Variants in RPGRIP1 observed in about 807,000 individuals in gnomAD.
RPGRIP1 encodes the protein RPGR interacting protein 1.
RPGRIP1 carries 128 observed loss-of-function variants against 157.9 expected under a neutral mutation model. The observed-to-expected ratio is 0.81, with a 90% CI of 0.70 to 0.94. RPGRIP1 has a LOEUF of 0.94. Among genes scored for constraint, RPGRIP1 ranks in the 40% least tolerant of loss-of-function variants. RPGRIP1 has a pLI of 0.00. For synonymous variants in RPGRIP1, 554 were observed against 571.6 expected, an observed-to-expected ratio of 0.97 and a Z score of 0.44; for missense variants, 1,486 against 1,545.8, an observed-to-expected ratio of 0.96 and a Z score of 0.65.
chr14:21,326,391 C>T (rs1191392378), intron 17 of RPGRIP1, among the ~76,000 whole-genome samples: 4 of 152,230 alleles, frequency 2.6e-5, no homozygotes, highest in Admixed American at 6.5e-5. Flanking sequence ...GCCACAAAGA[C>T]AACATTCCTA....
chr14:21,313,118 G>A (rs994385992), intron 10 of RPGRIP1, among the ~76,000 whole-genome samples: 1 of 151,694 alleles, frequency 6.6e-6, no homozygotes, highest in Non-Finnish European at 1.5e-5. Flanking sequence ...TTACAGGCAC[G>A]AGCCACCATG....
At chr14:21,298,282 T>C (rs1277454037) in intron 3 of RPGRIP1, among the ~76,000 whole-genome samples, 6 of 151,830 alleles carry the variant, frequency 4.0e-5, no homozygotes, top group Non-Finnish European at 7.4e-5. Context: ...GCAGATCACC[T>C]GAGGTCAGGA....
At chr14:21,337,438 CTT>C (rs869108147) in intron 21 of RPGRIP1, among the ~76,000 whole-genome samples, 35 of 128,588 alleles carry the variant, frequency 2.7e-4, no homozygotes, top group Admixed American at 4.8e-4. Context: ...CAATGTTAAG[CTT>C]TTTTTTTTTT....
At chr14:21,290,267 A>ATT in intron 2 of RPGRIP1, among the ~76,000 whole-genome samples, 1 of 152,236 alleles carries the variant, frequency 6.6e-6, no homozygotes, top group African/African-American at 2.4e-5. Context: ...AAGCAGTGGC[A>ATT]CCATTTTACA....
chr14:21,342,802 G>A (rs1251136478), intron 21 of RPGRIP1, among the ~76,000 whole-genome samples: 1 of 152,148 alleles, frequency 6.6e-6, no homozygotes, highest in Non-Finnish European at 1.5e-5. Flanking sequence ...TGGACTGTGA[G>A]AGAGAAGAGC....
At chr14:21,303,804 T>A (rs1189141873) in intron 6 of RPGRIP1, among the ~76,000 whole-genome samples, 3 of 151,116 alleles carry the variant, frequency 2.0e-5, no homozygotes, top group Non-Finnish European at 4.4e-5. Flanking sequence ...CTCGCCAACA[T>A]GGAGAAACCC....
chr14:21,343,866 G>GGT (rs1885273916), intron 22 of RPGRIP1, among the ~76,000 whole-genome samples: 4 of 50,422 alleles, frequency 7.9e-5, no homozygotes, highest in South Asian at 1.2e-3. Flanking sequence ...CTCTTTTCCT[G>GGT]TTTTTTTTTT....
At chr14:21,310,410 A>T (rs1324821247) in intron 7 of RPGRIP1, among the ~76,000 whole-genome samples, 174 bp from the exon 8 acceptor site, 1 of 152,190 alleles carries the variant, frequency 6.6e-6, no homozygotes, top group Non-Finnish European at 1.5e-5. Flanking sequence ...GTCACAGACT[A>T]CTTGGCAAGC....
chr14:21,288,180 CTT>C (rs35862339), intron 2 of RPGRIP1, 119 bp downstream of exon 2: 18,651 of 476,142 alleles, frequency 0.039, no homozygotes, highest in South Asian at 0.051. Flanking sequence ...AGTCTTCTCA[CTT>C]TTTTTTTTTT....
In RPGRIP1 at chr14:21,348,307, G is replaced by C; in HGVS notation, c.3748+5G>C. ...TTCTAGAGCAAGAGCTAGACAGTGAGTCATTTTTTTTTCAGTTCTAATTAT... is the reference window on the plus strand; with the variant it reads ...TTCTAGAGCAAGAGCTAGACAGTGACTCATTTTTTTTTCAGTTCTAATTAT... On this transcript the variant is annotated splice_donor_5th_base_variant and intron_variant, in intron 24 of 24. Coordinates refer to ENST00000400017, the MANE Select transcript of RPGRIP1 (RefSeq NM_020366.4). 1 of 1,548,452 alleles carries C rather than the reference G, an allele frequency of 6.5e-7. No homozygotes were observed. Among genetic ancestry groups the C allele is most frequent in the Non-Finnish European group, 8.7e-7 (1 of 1,152,680 alleles).
intron 21 of RPGRIP1, among the ~76,000 whole-genome samples, chr14:21,338,138 A>T (rs954941342): frequency 6.6e-6 from 1 of 152,104 alleles, no homozygotes; most frequent in Non-Finnish European, 1.5e-5. Flanking sequence ...GGATGGTCTC[A>T]ATCTCCTGAC....
intron 21 of RPGRIP1, among the ~76,000 whole-genome samples, chr14:21,338,505 TG>T (rs1884641309): frequency 6.6e-6 from 1 of 152,192 alleles, no homozygotes; most frequent in Admixed American, 6.6e-5. Context: ...TCAAATGAGT[TG>T]ATATATATTT....
At chr14:21,321,121 A>G in intron 12 of RPGRIP1, 138 bp from the exon 13 acceptor site, 1 of 827,836 alleles carries the variant, frequency 1.2e-6, no homozygotes, top group Non-Finnish European at 1.8e-6. Context: ...TTGTGAAGTC[A>G]TACAGGTCCT....
intron 3 of RPGRIP1, among the ~76,000 whole-genome samples, chr14:21,297,573 A>G (rs901795875): frequency 2.6e-5 from 4 of 152,146 alleles, no homozygotes; most frequent in Non-Finnish European, 5.9e-5. Flanking sequence ...TTTTGAAGAT[A>G]CTGGTGTCAA....
intron 21 of RPGRIP1, among the ~76,000 whole-genome samples, chr14:21,336,609 T>A (rs1226436670): frequency 6.6e-6 from 1 of 152,180 alleles, no homozygotes; most frequent in Non-Finnish European, 1.5e-5. Context: ...TTTTTTTAGA[T>A]ATTATGTAGT....
At chr14:21,330,141 T>G in intron 19 of RPGRIP1, 108 bp from the exon 20 acceptor site, 1 of 676,652 alleles carries the variant, frequency 1.5e-6, no homozygotes, top group South Asian at 3.8e-5. Flanking sequence ...TAATAAAAAT[T>G]AAAAAAATAA....
rs142285692 is a variant in RPGRIP1, at chr14:21,341,049, G to A, written c.3340-1987G>A. Among the ~76,000 whole-genome samples the A allele has an allele frequency of 5.9e-3, 895 of 152,108 alleles. 11 individuals carry two copies. The highest frequency in any genetic ancestry group is 0.021 in the African/African-American group (860 of 41,496). On this transcript the variant is annotated intron_variant, in intron 21 of 24. Transcript: ENST00000400017. The stretch of plus-strand genomic sequence containing the variant: ...AACATCAAATATCGTTTTTTTGTTT[G>A]TTTGTTTGTTTTTTGAGACCCAGTC...
At chr14:21,303,988 CAA>C (rs111950080) in intron 6 of RPGRIP1, among the ~76,000 whole-genome samples, 2 of 129,452 alleles carry the variant, frequency 1.5e-5, no homozygotes, top group Non-Finnish European at 3.3e-5. Flanking sequence ...AACTTGGTCT[CAA>C]AAAAAAAAAA....
Position 21,348,164 on chromosome 14 carries a change from C to A in RPGRIP1, c.3618-8C>A. Reference sequence around the variant, plus strand: ...AACAGTGCTGAATTAAATGCAATTTCTTTTTAGTTTAAAGTTTACAGTGGT... The same window carrying A: ...AACAGTGCTGAATTAAATGCAATTTATTTTTAGTTTAAAGTTTACAGTGGT... On this transcript the variant is annotated splice_region_variant and splice_polypyrimidine_tract_variant and intron_variant, in intron 23 of 24. Transcript: ENST00000400017. The A allele has an allele frequency of 1.3e-6, 2 of 1,561,644 alleles. No homozygotes were observed. Among genetic ancestry groups the A allele is most frequent in the Non-Finnish European group, 1.7e-6 (2 of 1,156,070 alleles).
Sources: gnomAD v4.1 joint callset for allele counts (sites outside exome capture counted in the v4.1 genomes callset) on GRCh38, gnomAD v4.1.1 for gene constraint, MANE v1.5 for transcripts, NCBI Gene and HGNC (gene_info 2026-07-23, HGNC 2026-07-21) for gene names.